The following TMEM132B variants were observed in gnomAD, a reference collection of about 807,000 sequenced individuals.
The protein encoded by TMEM132B is transmembrane protein 132B.
Under a neutral mutation model 90.8 loss-of-function variants are expected in TMEM132B, and 18 were observed. The ratio of observed to expected loss-of-function variants is 0.20; its 90% CI spans 0.14 to 0.29. The LOEUF is 0.29. Among genes scored for constraint, TMEM132B ranks in the 10% least tolerant of loss-of-function variants. TMEM132B has a pLI of 1.00. For synonymous variants in TMEM132B, 504 were observed against 523.3 expected, an observed-to-expected ratio of 0.96 and a Z score of 0.50; for missense variants, 1,096 against 1,326.8, an observed-to-expected ratio of 0.83 and a Z score of 2.70.
chr12:125,334,542 C>T (rs755578055), intron 1 of TMEM132B, among the ~76,000 whole-genome samples: 2 of 152,216 alleles, frequency 1.3e-5, no homozygotes, highest in Non-Finnish European at 2.9e-5. Context: ...TGTAGAATGT[C>T]TTTGCCTTTT....
chr12:125,271,807 G>A (rs1490272180), intron 1 of TMEM132B, among the ~76,000 whole-genome samples: 1 of 150,924 alleles, frequency 6.6e-6, no homozygotes, highest in Non-Finnish European at 1.5e-5. Flanking sequence ...ATATATATTT[G>A]ACCATATCTA....
intron 1 of TMEM132B, among the ~76,000 whole-genome samples, chr12:125,336,181 C>T (rs889247052): frequency 4.6e-5 from 7 of 152,118 alleles, no homozygotes; most frequent in Admixed American, 6.5e-5. Context: ...CGGCAGTCAC[C>T]GATGTGTTCT....
intron 4 of TMEM132B, among the ~76,000 whole-genome samples, chr12:125,527,518 A>G (rs1883519628): frequency 7.9e-6 from 1 of 126,820 alleles, no homozygotes; most frequent in African/African-American, 3.3e-5. Context: ...TTACCTTTCC[A>G]TGCACCCATC....
chr12:125,488,055 G>A (rs983430606), intron 3 of TMEM132B, among the ~76,000 whole-genome samples: 3 of 152,168 alleles, frequency 2.0e-5, no homozygotes, highest in African/African-American at 7.2e-5. Flanking sequence ...CATGCTTAAA[G>A]AATGAAAACA....
chr12:125,473,975 GT>G (rs906939195), intron 3 of TMEM132B, among the ~76,000 whole-genome samples: 48 of 150,604 alleles, frequency 3.2e-4, no homozygotes, highest in East Asian at 2.5e-3. Context: ...ATAGCAATGT[GT>G]TTTTTTTTAA....
rs189834792 is a variant in TMEM132B at position 125,209,251 on chromosome 12, G to T, written c.67+22385G>T. Among the ~76,000 whole-genome samples, 2 of 152,324 alleles carry T rather than the reference G, an allele frequency of 1.3e-5. No homozygotes were observed. Among genetic ancestry groups the T allele is most frequent in the African/African-American group, 4.8e-5 (2 of 41,572 alleles). On this transcript the variant is annotated intron_variant, in intron 1 of 8. Transcript: ENST00000682704. This position sits in a 1 kb window ranked among gnomAD's most constrained non-coding sequence, Gnocchi z 4.4. The stretch of plus-strand genomic sequence containing the variant: ...CGAGGGCCGCTCTCTTTCTGTAAAT[G>T]AATGTTGGGGAGCCTGGCCTGCTGG...
chr12:125,517,508 G>A (rs1175425955), intron 3 of TMEM132B, among the ~76,000 whole-genome samples: 1 of 151,936 alleles, frequency 6.6e-6, no homozygotes, highest in Non-Finnish European at 1.5e-5. Context: ...ATATTTTCTT[G>A]CAAAACAACT....
chr12:125,430,152 A>G (rs556899344), intron 3 of TMEM132B, among the ~76,000 whole-genome samples: 38 of 152,202 alleles, frequency 2.5e-4, no homozygotes, highest in Non-Finnish European at 4.3e-4. Flanking sequence ...TTAATAAAAT[A>G]TTACTAAATG....
At chr12:125,333,516 A>C (rs1344942561) in intron 1 of TMEM132B, among the ~76,000 whole-genome samples, 1 of 152,142 alleles carries the variant, frequency 6.6e-6, no homozygotes, top group Admixed American at 6.5e-5. Context: ...TCCCTCTCCC[A>C]ACTCTGCCCT....
intron 1 of TMEM132B, among the ~76,000 whole-genome samples, chr12:125,308,165 T>C (rs1167239343): frequency 2.3e-5 from 3 of 131,220 alleles, no homozygotes; most frequent in African/African-American, 8.5e-5. Flanking sequence ...TATAAGTATA[T>C]ATATAGTTAT....
rs1879487623 is a variant in TMEM132B at position 125,406,567 on chromosome 12, A to G, written c.960-8964A>G. Among the ~76,000 whole-genome samples, 1 of 152,218 alleles carries G rather than the reference A, an allele frequency of 6.6e-6. No individual in the cohort carries two copies. The highest frequency in any genetic ancestry group is 1.9e-4 in the East Asian group (1 of 5,194). ...GCTTCATGTGTAGTACCTGAAACTC[A>G]AGAAATCCTCTTTAAACGTCGGAGG... is the stretch of plus-strand genomic sequence containing the variant. On this transcript the variant is annotated intron_variant, in intron 2 of 8. Transcript: ENST00000682704. This position sits in a 1 kb window ranked among gnomAD's most constrained non-coding sequence, Gnocchi z 8.3.
intron 3 of TMEM132B, among the ~76,000 whole-genome samples, chr12:125,500,064 A>C (rs1184516121): frequency 1.3e-5 from 2 of 152,206 alleles, no homozygotes; most frequent in African/African-American, 4.8e-5. Context: ...CCATGGGACC[A>C]GAAGGCGGTG....
chr12:125,219,209 G>A (rs1187055123), intron 1 of TMEM132B, among the ~76,000 whole-genome samples: 6 of 152,132 alleles, frequency 3.9e-5, no homozygotes, highest in Admixed American at 2.6e-4. Flanking sequence ...TCAGGGCCAC[G>A]TGGCAGAGAT....
chr12:125,622,606 C>G, intron 5 of TMEM132B: 1 of 985,454 alleles, frequency 1.0e-6, no homozygotes, highest in Non-Finnish European at 1.2e-6. Context: ...CTGGGTCTCT[C>G]TCTGGAAATC....
intron 5 of TMEM132B, among the ~76,000 whole-genome samples, chr12:125,616,344 T>A (rs1885986438): frequency 2.0e-5 from 3 of 151,864 alleles, no homozygotes; most frequent in African/African-American, 4.8e-5. Flanking sequence ...ACAGAAAAAA[T>A]GGAGGCTTGG....
At chr12:125,607,116 G>A (rs923999848) in intron 5 of TMEM132B, among the ~76,000 whole-genome samples, 1 of 152,196 alleles carries the variant, frequency 6.6e-6, no homozygotes, top group African/African-American at 2.4e-5. Flanking sequence ...TCTGTCCATA[G>A]AGGGTTGACC....
At chr12:125,486,002 A>G (rs1882191593) in intron 3 of TMEM132B, among the ~76,000 whole-genome samples, 1 of 151,952 alleles carries the variant, frequency 6.6e-6, no homozygotes, top group Non-Finnish European at 1.5e-5. Flanking sequence ...AAAATAATGC[A>G]TCTCTCTCTC....
At chr12:125,247,824 C>T (rs1234338744) in intron 1 of TMEM132B, among the ~76,000 whole-genome samples, 1 of 152,218 alleles carries the variant, frequency 6.6e-6, no homozygotes, top group East Asian at 1.9e-4. Context: ...ACGTGCCGCC[C>T]CCACCTCCAG....
intron 1 of TMEM132B, among the ~76,000 whole-genome samples, chr12:125,345,970 C>T (rs920958346): frequency 2.0e-5 from 3 of 152,196 alleles, no homozygotes; most frequent in Non-Finnish European, 4.4e-5. Flanking sequence ...TCTCAGGACA[C>T]AGTCCCGTGG....
Sources: gnomAD v4.1 joint callset for allele counts (sites outside exome capture counted in the v4.1 genomes callset) on GRCh38, gnomAD v4.1.1 for gene constraint, Gnocchi (gnomAD v3.1) non-coding constraint, MANE v1.5 for transcripts, NCBI Gene and HGNC (gene_info 2026-07-23, HGNC 2026-07-21) for gene names.